SNTG1: variants seen among roughly 807,000 people sequenced by gnomAD.
The protein encoded by SNTG1 is gamma-1-syntrophin.
In SNTG1, 39 loss-of-function variants were observed where a neutral mutation model predicts 74.7. The observed-to-expected ratio is 0.52, with a 90% confidence interval of 0.40 to 0.68. The LOEUF is 0.68. Ranked by LOEUF, SNTG1 falls within the 30% of genes least tolerant of loss-of-function variation. The pLI, the probability that SNTG1 is intolerant of heterozygous loss-of-function variation, is 0.00. For missense variants in SNTG1, 685 were observed against 609.5 expected, an observed-to-expected ratio of 1.12 and a Z score of -1.30; for synonymous variants, 254 against 217.1, an observed-to-expected ratio of 1.17 and a Z score of -1.49.
At chr8:50,427,837 T>A (rs1056430140) in intron 4 of SNTG1, among the ~76,000 whole-genome samples, 2 of 152,248 alleles carry the variant, frequency 1.3e-5, no homozygotes, top group Non-Finnish European at 2.9e-5. Flanking sequence ...TCAAATACAA[T>A]TCATTAGATG....
intron 2 of SNTG1, among the ~76,000 whole-genome samples, chr8:50,291,477 T>C (rs1352915223): frequency 1.3e-5 from 2 of 152,090 alleles, no homozygotes; most frequent in Non-Finnish European, 2.9e-5. Context: ...TGCCATGTAA[T>C]GGAAACCTTC....
intron 1 of SNTG1, among the ~76,000 whole-genome samples, chr8:50,037,682 CT>C (rs1488766587): frequency 5.9e-5 from 9 of 152,144 alleles, no homozygotes; most frequent in African/African-American, 2.2e-4. Context: ...GCCAGTTGTC[CT>C]TGGACAAATT....
At chr8:50,542,942 A>G (rs1180722892) in intron 11 of SNTG1, among the ~76,000 whole-genome samples, 2 of 151,924 alleles carry the variant, frequency 1.3e-5, no homozygotes, top group East Asian at 1.9e-4. Flanking sequence ...CAGATTTTTT[A>G]TTGTTATTGA....
At chr8:50,418,328 A>G (rs1303500636) in intron 4 of SNTG1, among the ~76,000 whole-genome samples, 1 of 151,728 alleles carries the variant, frequency 6.6e-6, no homozygotes, top group Non-Finnish European at 1.5e-5. Context: ...TCCTACAAAT[A>G]TTTTCTTACG....
chr8:50,691,213 CTG>C (rs2095377375), intron 15 of SNTG1, among the ~76,000 whole-genome samples: 1 of 152,252 alleles, frequency 6.6e-6, no homozygotes, highest in African/African-American at 2.4e-5. Context: ...ATTTGCCAGT[CTG>C]TGTCTTTCAA....
chr8:50,015,937 C>T (rs1023165067), intron 1 of SNTG1, among the ~76,000 whole-genome samples: 1 of 152,096 alleles, frequency 6.6e-6, no homozygotes, highest in Non-Finnish European at 1.5e-5. Flanking sequence ...ACTTTTGAAG[C>T]ATTGGTTGTG....
In SNTG1 at chr8:50,515,892, C is replaced by T. The variant is rs540304526; in HGVS notation, c.466+13012C>T. ...TGGGCACGGCTTCAGCAGACTTAAACGTTCCTGCCTGCCGGCTCTGAATGG... is the reference window on the plus strand; with the variant it reads ...TGGGCACGGCTTCAGCAGACTTAAATGTTCCTGCCTGCCGGCTCTGAATGG... On this transcript the variant is annotated intron_variant, in intron 9 of 18. Coordinates refer to ENST00000642720, the MANE Select transcript of SNTG1 (RefSeq NM_018967.5). 3.0e-3 allele frequency among the ~76,000 whole-genome samples: 452 copies of T among 152,190 alleles called. 4 individuals carry two copies. Among genetic ancestry groups the T allele is most frequent in the African/African-American group, 0.011 (438 of 41,558 alleles).
At chr8:50,527,826 A>T (rs947610683) in intron 9 of SNTG1, among the ~76,000 whole-genome samples, 16 of 146,218 alleles carry the variant, frequency 1.1e-4, no homozygotes, top group African/African-American at 4.4e-4. Context: ...TTACCTTTTC[A>T]TTTATGTTTT....
chr8:50,049,698 C>A (rs1417065056), intron 1 of SNTG1, among the ~76,000 whole-genome samples: 2 of 151,980 alleles, frequency 1.3e-5, no homozygotes, highest in African/African-American at 4.8e-5. Context: ...CAATAGACTA[C>A]ATTCGGGGCC....
intron 1 of SNTG1, among the ~76,000 whole-genome samples, chr8:50,040,570 A>G (rs1818550046): frequency 6.6e-6 from 1 of 152,216 alleles, no homozygotes; most frequent in Non-Finnish European, 1.5e-5. Context: ...AGGTAAATTC[A>G]CAAGTAAGAT....
At chr8:50,270,490 A>G (rs2087722891) in intron 2 of SNTG1, among the ~76,000 whole-genome samples, 2 of 152,188 alleles carry the variant, frequency 1.3e-5, no homozygotes, top group African/African-American at 4.8e-5. Flanking sequence ...ATCTGTTATG[A>G]TTGGAGATCA....
At chr8:50,085,386 C>G (rs1462866136) in intron 1 of SNTG1, among the ~76,000 whole-genome samples, 1 of 152,174 alleles carries the variant, frequency 6.6e-6, no homozygotes, top group African/African-American at 2.4e-5. Flanking sequence ...TACCAGAATG[C>G]CTTTATAGGC....
intron 1 of SNTG1, among the ~76,000 whole-genome samples, chr8:50,105,698 G>A (rs2080344587): frequency 2.0e-5 from 3 of 151,884 alleles, no homozygotes; most frequent in Admixed American, 2.0e-4. Flanking sequence ...TGATGTCTCT[G>A]ATTTCTTTCA....
chr8:50,446,620 A>G (rs2093410521), intron 5 of SNTG1, among the ~76,000 whole-genome samples: 1 of 152,050 alleles, frequency 6.6e-6, no homozygotes, highest in Non-Finnish European at 1.5e-5. Context: ...GGAGGTTGCA[A>G]TGAGTCAAGA....
At chr8:50,130,029 T>C (rs973966222) in intron 1 of SNTG1, among the ~76,000 whole-genome samples, 1 of 152,072 alleles carries the variant, frequency 6.6e-6, no homozygotes, top group African/African-American at 2.4e-5. Context: ...AATATCACTA[T>C]GGAAAAAATG....
At chr8:50,661,586 A>G (rs1393697186) in intron 15 of SNTG1, among the ~76,000 whole-genome samples, 2 of 152,104 alleles carry the variant, frequency 1.3e-5, no homozygotes, top group East Asian at 1.9e-4. Context: ...CAGAACGTAC[A>G]GTTTTGTTAC....
chr8:49,920,244 C>T (rs933077626), intron 1 of SNTG1, among the ~76,000 whole-genome samples: 4 of 151,920 alleles, frequency 2.6e-5, no homozygotes, highest in Non-Finnish European at 5.9e-5. Flanking sequence ...CTTTAGTTTC[C>T]GTTCGTAATA....
intron 17 of SNTG1, among the ~76,000 whole-genome samples, chr8:50,747,236 GGTAGCAGA>G (rs2095557125): frequency 6.6e-6 from 1 of 151,858 alleles, no homozygotes; most frequent in Non-Finnish European, 1.5e-5. Context: ...CCTGAAAGGG[GGTAGCAGA>G]AAATATTGAC....
At chr8:50,503,202 C>T (rs1226296215) in intron 9 of SNTG1, among the ~76,000 whole-genome samples, 2 of 152,008 alleles carry the variant, frequency 1.3e-5, no homozygotes, top group Non-Finnish European at 2.9e-5. Context: ...AATGTATTTT[C>T]TCTAACTAAA....
Sources: allele counts gnomAD v4.1 joint callset (sites outside exome capture counted in the v4.1 genomes callset), GRCh38; gene constraint gnomAD v4.1.1; transcripts MANE v1.5; gene names NCBI Gene and HGNC (gene_info 2026-07-23, HGNC 2026-07-21).